The following RNF213 variants were observed in gnomAD, a reference collection of about 807,000 sequenced individuals.
RNF213 encodes ring finger protein 213.
Under a neutral mutation model 514.4 loss-of-function variants are expected in RNF213, and 341 were observed. The observed-to-expected ratio is 0.66, with a 90% CI of 0.61 to 0.73. The LOEUF (loss-of-function observed/expected upper bound fraction) is 0.73. Among genes scored for constraint, RNF213 ranks in the 30% least tolerant of loss-of-function variants. RNF213 has a pLI of 0.00. For synonymous variants in RNF213, 2,655 were observed against 2,658.2 expected, an observed-to-expected ratio of 1.00 and a Z score of 0.04; for missense variants, 5,767 against 6,615.6, an observed-to-expected ratio of 0.87 and a Z score of 4.45.
intron 37 of RNF213, 144 bp from the exon 38 acceptor site, chr17:80,359,916 TG>T (rs2078992387): frequency 2.6e-6 from 2 of 769,228 alleles, no homozygotes; most frequent in Admixed American, 4.1e-5. Context: ...CCCTGTACTG[TG>T]AAACAGATCA....
rs2144399250 is a variant in RNF213 at position 80,363,744 on chromosome 17, A to G, written c.11704A>G (p.Met3902Val). 2 of 1,613,920 alleles carry G rather than the reference A, an allele frequency of 1.2e-6. No individual in the cohort carries two copies. The highest frequency in any genetic ancestry group is 1.7e-6 in the Non-Finnish European group (2 of 1,180,032). ...PLELICSDEH[M>V]QGSGSLAQAV... is the part of the protein sequence containing the mutation. ...GGAGCTCATCTGCTCCGATGAGCAC[A>G]TGCAAGGCAGCGGGAGCCTGGCCCA... Residue 3902 changes from methionine to valine, a missense_variant, in exon 41 of 68, where the codon ATG becomes GTG. By Grantham distance (21) the Met-to-Val change is conservative (BLOSUM62 1). This residue lies in a region of RNF213 where 355 missense variants were observed against 358.0 expected (regional missense o/e 0.99). Transcript: ENST00000582970.
rs1568157518 is a variant in RNF213, at chr17:80,376,912, TTGC to T, written c.13462_13464del (p.Leu4488del). On this transcript the variant is annotated inframe_deletion, in exon 53 of 68. Transcript: ENST00000582970. ...TTTTCTTCCAACCATGCCTGAAGAC[TTGC>T]TGGCTCAAGCTCGGAGGTGGAAGGG... is the stretch of plus-strand genomic sequence containing the variant. The T allele has an allele frequency of 1.9e-6, 3 of 1,614,042 alleles. No individual in the cohort carries two copies.
chr17:80,367,067 G>C (rs1244178590), intron 42 of RNF213, among the ~76,000 whole-genome samples: 1 of 152,218 alleles, frequency 6.6e-6, no homozygotes, highest in East Asian at 1.9e-4. Flanking sequence ...TTAACCAGCA[G>C]ACAGGTAACT....
chr17:80,356,924 T>TTG (rs529218997), intron 36 of RNF213, among the ~76,000 whole-genome samples: 199 of 15,908 alleles, frequency 0.013, no homozygotes, highest in African/African-American at 0.076. Context: ...CCTTGTGGGG[T>TTG]TTTTTTTTTT....
In RNF213 at chr17:80,369,543, A is replaced by G. The variant is rs1262442792; in HGVS notation, c.12197A>G (p.Asn4066Ser). The G allele has an allele frequency of 2.5e-6, 4 of 1,614,032 alleles. No homozygotes were observed. Among genetic ancestry groups the G allele is most frequent in the Non-Finnish European group, 3.4e-6 (4 of 1,180,050 alleles). The change falls in exon 45 of 68, where the codon AAC becomes AGC. Residue 4066 changes from asparagine to serine, a missense_variant. Asn to Ser is a conservative substitution (Grantham distance 46). Coordinates refer to ENST00000582970, the MANE Select transcript of RNF213 (RefSeq NM_001256071.3). ...EKHARFRQMC[N>S]SFFVDLVSTI... Reference sequence around the variant, plus strand: ...CATGCCCGCTTCCGGCAGATGTGCAACAGTTTCTTCGTAGACCTGGTGTCC... The same window carrying G: ...CATGCCCGCTTCCGGCAGATGTGCAGCAGTTTCTTCGTAGACCTGGTGTCC...
chr17:80,388,430 C>A (rs139739751), intron 63 of RNF213, 182 bp from the exon 64 acceptor site: 1 of 632,478 alleles, frequency 1.6e-6, no homozygotes, highest in African/African-American at 1.8e-5. Context: ...GCTGGATTCC[C>A]GGTTGTGTTA....
At chr17:80,274,922 A>G (rs1389305427) in intron 3 of RNF213, among the ~76,000 whole-genome samples, 6 of 13,108 alleles carry the variant, frequency 4.6e-4, no homozygotes, top group African/African-American at 6.2e-4. Context: ...GTGGGGTGTG[A>G]GTGGGGTGTG....
At chr17:80,325,325 C>CT in intron 18 of RNF213, 127 bp downstream of exon 18, 2 of 983,464 alleles carry the variant, frequency 2.0e-6, no homozygotes, top group South Asian at 3.6e-5. Flanking sequence ...TTGACAAAGG[C>CT]TGCAGTTTGG....
chr17:80,354,109 A>G lies in RNF213; in HGVS notation c.10669A>G (p.Asn3557Asp). 2 of 1,614,082 alleles carry G rather than the reference A, an allele frequency of 1.2e-6. No individual in the cohort carries two copies. Among genetic ancestry groups the G allele is most frequent in the Non-Finnish European group, 8.5e-7 (1 of 1,180,030 alleles). The change falls in exon 35 of 68, where the codon AAT becomes GAT. Residue 3557 changes from asparagine (N) to aspartate (D), a missense_variant. This residue lies in a region of RNF213 where 919 missense variants were observed against 1,121.0 expected (regional missense o/e 0.82). Coordinates refer to ENST00000582970, the MANE Select transcript of RNF213 (RefSeq NM_001256071.3). ...AGACCAGAACGAGAGCTGCACGCGC[A>G]ATATGCGGAGGGTGGTGCTCCTCCT... ...LRDQNESCTR[N>D]MRRVVLLLGL...
At chr17:80,297,475 C>T (rs1044946639) in intron 10 of RNF213, among the ~76,000 whole-genome samples, 3 of 149,552 alleles carry the variant, frequency 2.0e-5, no homozygotes, top group African/African-American at 4.9e-5. Flanking sequence ...TTGTTTTGGC[C>T]GGGCATTATG....
chr17:80,339,890 G>A lies in RNF213; in HGVS notation c.5523G>A (p.Leu1841=), dbSNP rs1277612657. 2 of 1,536,890 alleles carry A rather than the reference G, an allele frequency of 1.3e-6. No individual in the cohort carries two copies. Among genetic ancestry groups the A allele is most frequent in the Non-Finnish European group, 1.7e-6 (2 of 1,146,910 alleles). ...TCGTCTGTGGCCACTCCGAGGTGTT[G>A]CCAGCCGCCCTGGCTGTCTACATGC... The part of the protein sequence containing the change: ...NLVVCGHSEV[L]PAALAVYMQT... The change falls in exon 26 of 68, where the codon TTG becomes TTA. Residue 1841 remains leucine (L), a synonymous_variant. Coordinates refer to ENST00000582970, the MANE Select transcript of RNF213 (RefSeq NM_001256071.3).
chr17:80,390,028 T>C lies in RNF213; in HGVS notation c.15302T>C (p.Ile5101Thr). ...LRLHKEPFGE[I>T]SSRYKADLSP... ...TCGTTTTAGGAGCCATTTGGGGAAATCAGTTCAAGGTACAAAGCGGATCTG... is the reference window on the plus strand; with the variant it reads ...TCGTTTTAGGAGCCATTTGGGGAAACCAGTTCAAGGTACAAAGCGGATCTG... The change falls in exon 67 of 68, where the codon ATC becomes ACC. Residue 5101 changes from isoleucine (I) to threonine (T), a missense_variant. Ile to Thr is a moderately conservative substitution (Grantham distance 89). Around this residue, in one of 13 missense-constraint regions of RNF213, gnomAD observed 1,245 missense variants for 1,339.0 expected, o/e 0.93. Transcript: ENST00000582970. 6.2e-7 allele frequency: 1 copy of C among 1,614,184 alleles called. No individual in the cohort carries two copies. The highest frequency in any genetic ancestry group is 1.3e-5 in the African/African-American group (1 of 75,042).
chr17:80,393,152 T>C lies in RNF213; in HGVS notation c.15471-193T>C, dbSNP rs562202795. On this transcript the variant is annotated intron_variant, in intron 67 of 67. Transcript: ENST00000582970. ...CACCACCACGTGCCCAGCTAATTTT[T>C]GTATTTTTGCTAGAGACAGGGTTTC... is the stretch of plus-strand genomic sequence containing the variant. Among the ~76,000 whole-genome samples, 3 of 152,004 alleles carry C rather than the reference T, an allele frequency of 2.0e-5. No homozygotes were observed. The East Asian group carries it at 5.8e-4, about 29-fold the overall frequency.
At position 80,363,708 on chromosome 17, in the gene RNF213, T is replaced by C. The variant is rs1203492091; in HGVS notation, c.11668T>C (p.Ser3890Pro). 1 of 1,613,906 alleles carries C rather than the reference T, an allele frequency of 6.2e-7. No homozygotes were observed. The highest frequency in any genetic ancestry group is 2.2e-5 in the East Asian group (1 of 44,880). ...QAWLQLVKNL[S>P]MPLELICSDE... ...GTGGCTACAGTTGGTGAAGAATCTTTCCATGCCGCTGGAGCTCATCTGCTC... is the reference window on the plus strand; with the variant it reads ...GTGGCTACAGTTGGTGAAGAATCTTCCCATGCCGCTGGAGCTCATCTGCTC... Residue 3890 changes from serine to proline, a missense_variant, in exon 41 of 68, where the codon TCC (serine) becomes CCC (proline). Physicochemically the swap from Ser to Pro is moderately conservative, Grantham distance 74. Coordinates refer to ENST00000582970, the MANE Select transcript of RNF213 (RefSeq NM_001256071.3).
chr17:80,377,003 CT>C lies in RNF213; in HGVS notation c.13510+42del. ...CTAGATGACCCCACACTCCTTTGAG[CT>C]TCAAAGGGTGTCCAGATGCTATGAA... On this transcript the variant is annotated intron_variant, in intron 53 of 67. Transcript: ENST00000582970. This position sits in a 1 kb window ranked among gnomAD's most constrained non-coding sequence, Gnocchi z 4.1. 5.5e-6 allele frequency: 8 copies of C among 1,449,126 alleles called. No individual in the cohort carries two copies. The highest frequency in any genetic ancestry group is 6.8e-6 in the Non-Finnish European group (7 of 1,032,880). The allele number at this position is 1,449,126 out of a possible 1,614,324, so 89.8% of individuals were successfully genotyped here.
In RNF213 at chr17:80,339,968, G is replaced by A. The variant is rs571289662; in HGVS notation, c.5601G>A (p.Pro1867=). The part of the protein sequence containing the change: ...PTYDEVLLCT[P]ATTFEEVALL... ...ACGATGAGGTGCTGCTCTGCACCCCGGCAACCACCTTTGAGGAGGTGGCAC... is the reference window on the plus strand; with the variant it reads ...ACGATGAGGTGCTGCTCTGCACCCCAGCAACCACCTTTGAGGAGGTGGCAC... Residue 1867 remains proline, a synonymous_variant, in exon 26 of 68, where the codon CCG becomes CCA. Transcript: ENST00000582970. The A allele has an allele frequency of 1.5e-4, 227 of 1,537,050 alleles. No homozygotes were observed. Among genetic ancestry groups the A allele is most frequent in the East Asian group, 2.9e-4 (12 of 40,916 alleles).
In RNF213 at chr17:80,346,457, G is replaced by A. The variant is rs141334900; in HGVS notation, c.8122G>A (p.Ala2708Thr). The change falls in exon 29 of 68, where the codon GCC (alanine) becomes ACC (threonine). Residue 2708 changes from alanine to threonine, a missense_variant. Ala to Thr is a moderately conservative substitution (Grantham distance 58, BLOSUM62 0). This residue lies in a region of RNF213 where 1,377 missense variants were observed against 1,635.2 expected (regional missense o/e 0.84). Transcript: ENST00000582970. This position sits in a 1 kb window ranked among gnomAD's most constrained non-coding sequence, Gnocchi z 8.1. ...EKKDSYRKAI[A>T]RFFPKPYDDS... is the part of the protein sequence containing the mutation. Reference sequence around the variant, plus strand: ...GAAAGACTCATATCGGAAAGCCATCGCCAGGTTCTTTCCGAAACCGTATGA... The same window carrying A: ...GAAAGACTCATATCGGAAAGCCATCACCAGGTTCTTTCCGAAACCGTATGA... 244 of 1,613,772 alleles carry A rather than the reference G, an allele frequency of 1.5e-4. 4 individuals carry two copies. The South Asian group carries it at 2.2e-3, about 15-fold the overall frequency.
rs35332090 is a variant in RNF213 at position 80,363,258 on chromosome 17, G to C, written c.11512G>C (p.Val3838Leu). Residue 3838 changes from valine (V) to leucine (L), a missense_variant, in exon 40 of 68, where the codon GTT (valine) becomes CTT (leucine). By Grantham distance (32) the Val-to-Leu change is conservative. Transcript: ENST00000582970. ...CAGAATCCTGACCATCTACCCTCAG[G>C]TTCTCCACAGCCTGATGGAAGCCCG... ...FSRILTIYPQ[V>L]LHSLMEARWN... 0.1 allele frequency: 167,879 copies of C among 1,613,880 alleles called. 10,204 individuals carry two copies. Among genetic ancestry groups the C allele is most frequent in the African/African-American group, 0.26 (19,266 of 74,928 alleles).
At chr17:80,291,958 C>G in intron 8 of RNF213, 131 bp downstream of exon 8, 2 of 907,580 alleles carry the variant, frequency 2.2e-6, no homozygotes, top group African/African-American at 1.6e-5. Context: ...CTGCATTGAC[C>G]CCGCCCCAGC....
Sources: allele counts gnomAD v4.1 joint callset (sites outside exome capture counted in the v4.1 genomes callset), GRCh38; gene constraint gnomAD v4.1.1; regional missense constraint gnomAD v4.1.1; non-coding constraint Gnocchi (gnomAD v3.1); transcripts MANE v1.5; gene names NCBI Gene and HGNC (gene_info 2026-07-23, HGNC 2026-07-21).